RNF180: variants seen among roughly 807,000 people sequenced by gnomAD.
RNF180 encodes the protein ring finger protein 180, also known as E3 ubiquitin-protein ligase RNF180.
A neutral mutation model predicts 59.2 loss-of-function variants in RNF180; 38 were observed. That is an observed-to-expected ratio of 0.64 (90% confidence interval 0.50 to 0.84). RNF180 has a LOEUF of 0.84. Among genes scored for constraint, RNF180 ranks in the 40% least tolerant of loss-of-function variants. The pLI, the probability that RNF180 is intolerant of heterozygous loss-of-function variation, is 0.00. For synonymous variants in RNF180, 262 were observed against 240.3 expected, an observed-to-expected ratio of 1.09 and a Z score of -0.84; for missense variants, 705 against 700.9, an observed-to-expected ratio of 1.01 and a Z score of -0.07.
intron 3 of RNF180, among the ~76,000 whole-genome samples, chr5:64,212,374 AAT>A (rs1192770776): frequency 1.3e-5 from 2 of 150,960 alleles, no homozygotes; most frequent in Non-Finnish European, 2.9e-5. Flanking sequence ...ACACACACAT[AAT>A]ATATGTTACT....
At chr5:64,310,347 C>T (rs542570966) in intron 5 of RNF180, among the ~76,000 whole-genome samples, 1 of 151,720 alleles carries the variant, frequency 6.6e-6, no homozygotes, top group Non-Finnish European at 1.5e-5. Flanking sequence ...ATCTAGGCTA[C>T]AGGGGCACAC....
chr5:64,273,155 C>G (rs1051906860), intron 5 of RNF180, among the ~76,000 whole-genome samples: 1 of 151,870 alleles, frequency 6.6e-6, no homozygotes, highest in Non-Finnish European at 1.5e-5. Context: ...AAAAAACACT[C>G]TCACCAGCAC....
At chr5:64,221,563 A>C (rs1287806053) in intron 5 of RNF180, among the ~76,000 whole-genome samples, 1 of 152,182 alleles carries the variant, frequency 6.6e-6, no homozygotes, top group African/African-American at 2.4e-5. Context: ...GGAAGTCATC[A>C]TCTACTAGAA....
chr5:64,328,349 A>G (rs1271047787), intron 6 of RNF180, among the ~76,000 whole-genome samples: 1 of 152,240 alleles, frequency 6.6e-6, no homozygotes, highest in East Asian at 1.9e-4. Flanking sequence ...AATGACACTG[A>G]CAAGCCCCTT....
At chr5:64,293,853 C>A (rs1485520713) in intron 5 of RNF180, among the ~76,000 whole-genome samples, 2 of 152,022 alleles carry the variant, frequency 1.3e-5, no homozygotes, top group African/African-American at 4.8e-5. Flanking sequence ...CGTATTTTTT[C>A]TGAAAAGTGA....
At chr5:64,213,073 AG>A (rs1354642877) in intron 3 of RNF180, among the ~76,000 whole-genome samples, 2 of 152,202 alleles carry the variant, frequency 1.3e-5, no homozygotes, top group African/African-American at 4.8e-5. Context: ...GTATGCAATC[AG>A]TATATTTTGG....
At chr5:64,284,655 G>T (rs544269496) in intron 5 of RNF180, among the ~76,000 whole-genome samples, 1 of 152,290 alleles carries the variant, frequency 6.6e-6, no homozygotes, top group South Asian at 2.1e-4. Context: ...TGAAATTCTT[G>T]TAGTGAGTTT....
chr5:64,306,831 G>C (rs1181436652), intron 5 of RNF180, among the ~76,000 whole-genome samples: 9 of 151,470 alleles, frequency 5.9e-5, no homozygotes, highest in South Asian at 2.1e-4. Context: ...TTGTGGGGTG[G>C]GGGGAGGAGG....
chr5:64,267,757 A>G (rs997747985), intron 5 of RNF180, among the ~76,000 whole-genome samples: 1 of 152,140 alleles, frequency 6.6e-6, no homozygotes, highest in Admixed American at 6.6e-5. Context: ...GTGCTTCTTT[A>G]TTAAGGCATT....
At chr5:64,317,621 T>TAC (rs1162867302) in intron 5 of RNF180, among the ~76,000 whole-genome samples, 19 of 110,202 alleles carry the variant, frequency 1.7e-4, no homozygotes, top group African/African-American at 7.3e-4. Context: ...CACACACATA[T>TAC]ATACACACAC....
intron 2 of RNF180, among the ~76,000 whole-genome samples, chr5:64,201,728 ATACT>A (rs1206322674): frequency 6.6e-6 from 1 of 152,220 alleles, no homozygotes; most frequent in African/African-American, 2.4e-5. Context: ...CTTTGATTGC[ATACT>A]TACTACATGC....
At chr5:64,339,806 C>G (rs1048419581) in intron 7 of RNF180, among the ~76,000 whole-genome samples, 11 of 151,968 alleles carry the variant, frequency 7.2e-5, no homozygotes, top group African/African-American at 2.7e-4. Flanking sequence ...TAATACTTGT[C>G]CTTTTCACCC....
At chr5:64,326,931 A>G (rs1253458509) in intron 6 of RNF180, among the ~76,000 whole-genome samples, 1 of 152,140 alleles carries the variant, frequency 6.6e-6, no homozygotes, top group African/African-American at 2.4e-5. Flanking sequence ...AGGCCTCCAC[A>G]GCTGGACTTT....
chr5:64,367,865 A>C (rs921207119), intron 7 of RNF180, among the ~76,000 whole-genome samples: 1 of 151,724 alleles, frequency 6.6e-6, no homozygotes, highest in African/African-American at 2.4e-5. Context: ...ACACAGAAAT[A>C]CTTAAAGTAG....
chr5:64,184,564 C>T (rs1389456834), intron 1 of RNF180, among the ~76,000 whole-genome samples: 1 of 152,134 alleles, frequency 6.6e-6, no homozygotes, highest in African/African-American at 2.4e-5. Flanking sequence ...ACAATAACTG[C>T]TTGATTGGAT....
At chr5:64,347,109 T>C (rs1356182488) in intron 7 of RNF180, among the ~76,000 whole-genome samples, 1 of 152,218 alleles carries the variant, frequency 6.6e-6, no homozygotes, top group Non-Finnish European at 1.5e-5. Flanking sequence ...GTATAGCATA[T>C]GCAAGTTTGG....
rs1351917998 is a variant in RNF180 at position 64,371,147 on chromosome 5, A to T, written c.*1333A>T. The T allele has an allele frequency of 1.3e-5, 2 of 151,708 alleles. No individual in the cohort carries two copies. Among genetic ancestry groups the T allele is most frequent in the Admixed American group, 6.6e-5 (1 of 15,172 alleles). The allele number at this position is 151,708 out of a possible 1,614,324, so 9.4% of individuals were successfully genotyped here. ...GAAGAATGGTACTGATTTCTATTCT[A>T]ATGCTGTTCTTATTATTGTGTTTTA... On this transcript the variant is annotated 3_prime_UTR_variant, in exon 8 of 8. Transcript: ENST00000389100.
chr5:64,297,382 G>A (rs1742938749), intron 5 of RNF180, among the ~76,000 whole-genome samples: 2 of 151,990 alleles, frequency 1.3e-5, no homozygotes, highest in Non-Finnish European at 2.9e-5. Context: ...TTATTTTATA[G>A]TAGTTGAATT....
chr5:64,207,097 G>A (rs1020747120), intron 2 of RNF180, among the ~76,000 whole-genome samples: 15 of 151,636 alleles, frequency 9.9e-5, no homozygotes, highest in Admixed American at 9.2e-4. Flanking sequence ...AATTATAAAT[G>A]TATTCTAATT....
Sources: gnomAD v4.1 joint callset for allele counts (sites outside exome capture counted in the v4.1 genomes callset) on GRCh38, gnomAD v4.1.1 for gene constraint, MANE v1.5 for transcripts, NCBI Gene and HGNC (gene_info 2026-07-23, HGNC 2026-07-21) for gene names.